Variants in BFSP2 observed in about 807,000 individuals in gnomAD.
BFSP2 encodes phakinin.
In BFSP2, 38 loss-of-function variants were observed where a neutral mutation model predicts 44.9. The observed-to-expected ratio is 0.85, with a 90% confidence interval of 0.65 to 1.11. BFSP2 has a LOEUF of 1.11. Among genes scored for constraint, BFSP2 ranks in the 50% least tolerant of loss-of-function variants. BFSP2 has a pLI of 0.00. For missense variants in BFSP2, 525 were observed against 533.0 expected (o/e 0.99, Z 0.15); for synonymous variants, 197 against 209.9 (o/e 0.94, Z 0.53).
chr3:133,417,706 A>C (rs1576564499), intron 1 of BFSP2, among the ~76,000 whole-genome samples: 6 of 101,090 alleles, frequency 5.9e-5, no homozygotes, highest in East Asian at 3.1e-4. Flanking sequence ...TCTTCCCTCT[A>C]CTCACCCCTG....
intron 1 of BFSP2, among the ~76,000 whole-genome samples, chr3:133,433,999 C>T (rs1289424293): frequency 1.3e-5 from 2 of 152,216 alleles, no homozygotes; most frequent in Non-Finnish European, 2.9e-5. Context: ...AATCATACTC[C>T]TATTCACCGT....
At chr3:133,467,273 C>T (rs1036616951) in intron 5 of BFSP2, among the ~76,000 whole-genome samples, 19 of 152,370 alleles carry the variant, frequency 1.2e-4, no homozygotes, top group African/African-American at 4.1e-4. Flanking sequence ...CTGAGGACAC[C>T]TGGCCCAGAA....
intron 1 of BFSP2, among the ~76,000 whole-genome samples, chr3:133,424,234 T>G (rs1296754373): frequency 0.84 from 122,531 of 145,272 alleles, 51,994 homozygotes; most frequent in Middle Eastern, 0.94. Context: ...TTTTTTTTTT[T>G]TTTTTTTGTA....
At chr3:133,440,139 G>A (rs996833995) in intron 1 of BFSP2, among the ~76,000 whole-genome samples, 1 of 152,322 alleles carries the variant, frequency 6.6e-6, no homozygotes, top group South Asian at 2.1e-4. Context: ...GAGACCATGT[G>A]CAGGGGAACT....
intron 1 of BFSP2, among the ~76,000 whole-genome samples, chr3:133,416,436 G>C (rs1708371): frequency 5.6e-4 from 76 of 136,866 alleles, no homozygotes; most frequent in East Asian, 9.3e-4. Flanking sequence ...CAACCCTGTC[G>C]TCTCCCCTCT....
chr3:133,411,872 T>C (rs934798075), intron 1 of BFSP2, among the ~76,000 whole-genome samples: 6 of 152,302 alleles, frequency 3.9e-5, no homozygotes, highest in African/African-American at 1.2e-4. Flanking sequence ...GAGAAATCTA[T>C]ACAGTAAAAG....
rs548720477 is a variant in BFSP2, at chr3:133,462,981, A to G, written c.892-3847A>G. Among the ~76,000 whole-genome samples the G allele has an allele frequency of 3.8e-3, 579 of 152,284 alleles. 7 individuals carry two copies. The highest frequency in any genetic ancestry group is 0.014 in the African/African-American group (565 of 41,560). ...GCATAAAGCAGAAGAGACGGAGGCA[A>G]GTTTTAGAACAGGAGTGAAAGTTTA... On this transcript the variant is annotated intron_variant, in intron 4 of 6. Transcript: ENST00000302334.
chr3:133,448,778 T>C, intron 3 of BFSP2, 133 bp downstream of exon 3: 1 of 1,200,854 alleles, frequency 8.3e-7, no homozygotes. Flanking sequence ...GCAGGGAACA[T>C]ACCTGTAAAA....
chr3:133,462,111 C>T (rs1012406491), intron 4 of BFSP2, among the ~76,000 whole-genome samples: 3 of 152,228 alleles, frequency 2.0e-5, no homozygotes, highest in Non-Finnish European at 4.4e-5. Flanking sequence ...ACTCAGGATC[C>T]CCTGCATCAG....
chr3:133,421,554 C>T (rs746312692), intron 1 of BFSP2, among the ~76,000 whole-genome samples: 1 of 151,956 alleles, frequency 6.6e-6, no homozygotes, highest in Non-Finnish European at 1.5e-5. Flanking sequence ...CCCTAATGAC[C>T]TCAACTTGAT....
chr3:133,446,628 A>G (rs1242783747), intron 1 of BFSP2, among the ~76,000 whole-genome samples: 1 of 61,160 alleles, frequency 1.6e-5, no homozygotes, highest in African/African-American at 7.7e-5. Flanking sequence ...ATATATATAT[A>G]TATATATATA....
chr3:133,472,565 G>C lies in BFSP2; in HGVS notation c.1244G>C (p.Gly415Ala). 6.2e-7 allele frequency: 1 copy of C among 1,611,366 alleles called. No homozygotes were observed. Among genetic ancestry groups the C allele is most frequent in the Non-Finnish European group, 8.5e-7 (1 of 1,179,678 alleles). ...YHALLDREES[G>A] ...GCCCTGCTGGACAGGGAGGAGAGCG[G>C]GTAAGCCTCGCTTCCGCGTCAATTA... Residue 415 changes from glycine to alanine, a missense_variant and splice_region_variant, in exon 6 of 7, where the codon GGC becomes GCC. Physicochemically the swap from Gly to Ala is moderately conservative, Grantham distance 60 (BLOSUM62 0). Transcript: ENST00000302334.
At chr3:133,434,892 G>A (rs766911653) in intron 1 of BFSP2, among the ~76,000 whole-genome samples, 11 of 151,554 alleles carry the variant, frequency 7.3e-5, no homozygotes, top group South Asian at 4.2e-4. Context: ...GACTCTTTTC[G>A]GACTCAGCCC....
intron 4 of BFSP2, among the ~76,000 whole-genome samples, chr3:133,460,270 AG>A (rs2074050313): frequency 6.6e-6 from 1 of 152,212 alleles, no homozygotes; most frequent in Non-Finnish European, 1.5e-5. Context: ...AGGAAACTGA[AG>A]CACAAAGAGG....
Position 133,400,478 on chromosome 3 carries a change from T to C in BFSP2, c.395T>C (p.Leu132Pro). 2 of 1,613,938 alleles carry C rather than the reference T, an allele frequency of 1.2e-6. No individual in the cohort carries two copies. The highest frequency in any genetic ancestry group is 1.7e-6 in the Non-Finnish European group (2 of 1,180,024). Residue 132 changes from leucine (L) to proline (P), a missense_variant, in exon 1 of 7, where the codon CTG becomes CCG. Physicochemically the swap from Leu to Pro is moderately conservative, Grantham distance 98 (BLOSUM62 -3). Transcript: ENST00000302334. The surrounding 1 kb of genome is among the most constrained non-coding windows in gnomAD (Gnocchi z 4.0). ...VHALEQVSQE[L>P]ETQLRMHLES... ...GCCCTTGAGCAAGTCAGTCAGGAGC[T>C]GGAAACACAACTGCGGATGCACCTG...
intron 1 of BFSP2, among the ~76,000 whole-genome samples, chr3:133,402,455 A>G (rs993028664): frequency 8.5e-5 from 13 of 152,192 alleles, no homozygotes; most frequent in African/African-American, 3.1e-4. Flanking sequence ...CTGTGAGAGC[A>G]CCACAGCCAC....
intron 3 of BFSP2, among the ~76,000 whole-genome samples, chr3:133,449,695 T>C (rs1481376146): frequency 6.6e-6 from 1 of 151,858 alleles, no homozygotes; most frequent in African/African-American, 2.4e-5. Flanking sequence ...CTGGGCAACA[T>C]GGTGAAACCC....
At chr3:133,472,967 G>C (rs1489125769) in intron 6 of BFSP2, among the ~76,000 whole-genome samples, 1 of 148,066 alleles carries the variant, frequency 6.8e-6, no homozygotes. Flanking sequence ...TTTTTTTTTG[G>C]ATACAGGGTC....
chr3:133,450,050 GAAAGAAAGAGAGA>G (rs2073946949), intron 3 of BFSP2, among the ~76,000 whole-genome samples: 1 of 144,432 alleles, frequency 6.9e-6, no homozygotes, highest in African/African-American at 2.6e-5. Context: ...GAGGGAGGAA[GAAAGAAAGAGAGA>G]GAAGGAAAGG....
Sources: allele counts gnomAD v4.1 joint callset (sites outside exome capture counted in the v4.1 genomes callset), GRCh38; gene constraint gnomAD v4.1.1; non-coding constraint Gnocchi (gnomAD v3.1); transcripts MANE v1.5; gene names NCBI Gene and HGNC (gene_info 2026-07-23, HGNC 2026-07-21).